The following ZNF366 variants were observed in gnomAD, a reference collection of about 807,000 sequenced individuals.
ZNF366 encodes zinc finger protein 366, also known as dendritic cell-specific transcript protein.
A neutral mutation model predicts 47.2 loss-of-function variants in ZNF366; 20 were observed. The observed-to-expected ratio is 0.42, with a 90% CI of 0.30 to 0.62. The LOEUF (loss-of-function observed/expected upper bound fraction) is 0.62. ZNF366 is among the 20% of genes least tolerant of loss of function. The probability of loss-of-function intolerance (pLI) is 0.16; values close to 1 mark genes in which losing one functional copy is unlikely to be tolerated. For synonymous variants in ZNF366, 421 were observed against 395.1 expected, an observed-to-expected ratio of 1.07 and a Z score of -0.78; for missense variants, 987 against 976.3, an observed-to-expected ratio of 1.01 and a Z score of -0.15.
At position 72,484,483 on chromosome 5, in the gene ZNF366, C is replaced by CAAA. The variant is rs770305478; in HGVS notation, c.-15+22765_-15+22767dup. Among the ~76,000 whole-genome samples the CAAA allele has an allele frequency of 1.4e-3, 183 of 129,928 alleles. 2 individuals are homozygous for CAAA. Among genetic ancestry groups the CAAA allele is most frequent in the Admixed American group, 3.9e-3 (51 of 12,932 alleles). 85.2% of individuals were successfully genotyped at this position (129,928 alleles called of 152,430 possible). On this transcript the variant is annotated intron_variant, in intron 1 of 4. Coordinates refer to ENST00000318442, the MANE Select transcript of ZNF366 (RefSeq NM_152625.3). ...TGGGCGACAGAGCGAGACTCCGTCT[C>CAAA]AAAAAAAAAAAAAATAATAATAATA... is the stretch of plus-strand genomic sequence containing the variant.
intron 1 of ZNF366, among the ~76,000 whole-genome samples, chr5:72,462,164 G>A (rs926172414): frequency 1.3e-5 from 2 of 152,208 alleles, no homozygotes; most frequent in African/African-American, 4.8e-5. Flanking sequence ...AGTAAGGTGT[G>A]CTACTAAGGC....
Position 72,447,292 on chromosome 5 carries a change from G to A in ZNF366, c.1650C>T (p.Arg550=). 1 of 1,614,206 alleles carries A rather than the reference G, an allele frequency of 6.2e-7. No homozygotes were observed. The highest frequency in any genetic ancestry group is 1.1e-5 in the South Asian group (1 of 91,084). The change falls in exon 4 of 5, where the codon CGC becomes CGT. Residue 550 remains arginine, a synonymous_variant. Coordinates refer to ENST00000318442, the MANE Select transcript of ZNF366 (RefSeq NM_152625.3). ...TGACTCCATGCTTGACTTTCATGTG[G>A]CGTGTCAGGTTCCCCTTCAGGGTGA... is the stretch of plus-strand genomic sequence containing the variant. ...SKFTLKGNLT[R]HMKVKHGVME... is the part of the protein sequence containing the mutation.
chr5:72,449,607 T>G lies in ZNF366; in HGVS notation c.1525-2190A>C, dbSNP rs543230683. On this transcript the variant is annotated intron_variant, in intron 3 of 4. Coordinates refer to ENST00000318442, the MANE Select transcript of ZNF366 (RefSeq NM_152625.3). ...TCACGGGTCATTTTTAGAAAAAGCT[T>G]ACCTCATTTGGATTGTGGGATGGTT... Among the ~76,000 whole-genome samples, 116 of 152,328 alleles carry G rather than the reference T, an allele frequency of 7.6e-4. No homozygotes were observed. In the South Asian group the frequency reaches 0.01, roughly 14 times the overall value.
intron 3 of ZNF366, among the ~76,000 whole-genome samples, chr5:72,449,451 G>A (rs772898163): frequency 3.3e-5 from 5 of 152,070 alleles, no homozygotes; most frequent in African/African-American, 4.8e-5. Context: ...TGGCCAGGCC[G>A]GTCCCAAACT....
intron 1 of ZNF366, among the ~76,000 whole-genome samples, chr5:72,483,923 A>G (rs1311987296): frequency 2.0e-5 from 3 of 152,078 alleles, no homozygotes; most frequent in African/African-American, 7.2e-5. Flanking sequence ...CTGAAGATCT[A>G]CTTAAAAAAA....
intron 2 of ZNF366, among the ~76,000 whole-genome samples, chr5:72,458,126 C>T (rs1410556836): frequency 6.7e-6 from 1 of 148,926 alleles, no homozygotes; most frequent in Non-Finnish European, 1.5e-5. Flanking sequence ...ACGCCATTCT[C>T]CTGCCTCAGC....
chr5:72,498,051 T>C (rs2112356162), intron 1 of ZNF366, among the ~76,000 whole-genome samples: 1 of 152,236 alleles, frequency 6.6e-6, no homozygotes, highest in African/African-American at 2.4e-5. Context: ...AGAAGCTTTT[T>C]ATTGTAATGC....
rs77584726 is a variant in ZNF366 at position 72,499,699 on chromosome 5, G to T, written c.-15+7552C>A. Among the ~76,000 whole-genome samples the T allele has an allele frequency of 4.3e-3, 650 of 152,128 alleles. 4 individuals carry two copies. Among genetic ancestry groups the T allele is most frequent in the East Asian group, 0.013 (65 of 5,182 alleles). On this transcript the variant is annotated intron_variant, in intron 1 of 4. Transcript: ENST00000318442. ...GAGGAGGAAATTCCACCGTGTCGTG[G>T]GAAAGAAAATGCCTGAACTAGAAAA...
intron 1 of ZNF366, among the ~76,000 whole-genome samples, chr5:72,476,822 G>A (rs533800764): frequency 3.3e-5 from 5 of 152,240 alleles, no homozygotes; most frequent in South Asian, 2.1e-4. Context: ...TTGGAGATAC[G>A]GCTACCACCA....
intron 1 of ZNF366, among the ~76,000 whole-genome samples, chr5:72,463,423 T>C (rs551302270): frequency 1.3e-5 from 2 of 152,332 alleles, no homozygotes; most frequent in African/African-American, 4.8e-5. Flanking sequence ...TGCTTTGTGT[T>C]TATGTGAGTG....
chr5:72,485,193 C>A (rs552226649), intron 1 of ZNF366, among the ~76,000 whole-genome samples: 1 of 152,340 alleles, frequency 6.6e-6, no homozygotes, highest in African/African-American at 2.4e-5. Flanking sequence ...TGACACTCAG[C>A]ACATGTTAGA....
chr5:72,444,865 A>T (rs781770892), intron 4 of ZNF366, among the ~76,000 whole-genome samples: 3 of 152,188 alleles, frequency 2.0e-5, no homozygotes, highest in Non-Finnish European at 4.4e-5. Context: ...ATTTGGAAGG[A>T]GGGATGTCAA....
At chr5:72,468,138 G>A (rs1743472008) in intron 1 of ZNF366, among the ~76,000 whole-genome samples, 1 of 152,192 alleles carries the variant, frequency 6.6e-6, no homozygotes, top group African/African-American at 2.4e-5. Flanking sequence ...GGCAAGTGAT[G>A]ACTCAGTCTG....
chr5:72,450,549 T>G (rs1162787148), intron 3 of ZNF366, among the ~76,000 whole-genome samples: 1 of 152,216 alleles, frequency 6.6e-6, no homozygotes, highest in African/African-American at 2.4e-5. Flanking sequence ...TGCAAAATTC[T>G]AAAAAGCAGC....
At chr5:72,490,357 A>G (rs538547534) in intron 1 of ZNF366, among the ~76,000 whole-genome samples, 1 of 152,318 alleles carries the variant, frequency 6.6e-6, no homozygotes, top group East Asian at 1.9e-4. Context: ...TCAATTTAGA[A>G]GGTAAATTTT....
intron 4 of ZNF366, 147 bp from the exon 5 acceptor site, chr5:72,444,438 G>A: frequency 2.1e-6 from 2 of 960,092 alleles, no homozygotes; most frequent in Non-Finnish European, 1.5e-6. Flanking sequence ...GGTCTTGGGA[G>A]GCTTGTAACA....
chr5:72,447,227 C>G lies in ZNF366; in HGVS notation c.1699+16G>C. 2 of 1,613,554 alleles carry G rather than the reference C, an allele frequency of 1.2e-6. No individual in the cohort carries two copies. Among genetic ancestry groups the G allele is most frequent in the Non-Finnish European group, 1.7e-6 (2 of 1,179,678 alleles). Reference sequence around the variant, plus strand: ...CCACTGGACTGACTTGCAGGGCTTCCCAGAAGAGTGATTACCTTGGGAATG... The same window carrying G: ...CCACTGGACTGACTTGCAGGGCTTCGCAGAAGAGTGATTACCTTGGGAATG... On this transcript the variant is annotated intron_variant, in intron 4 of 4. Transcript: ENST00000318442.
At position 72,505,533 on chromosome 5, in the gene ZNF366, T is replaced by C. The variant is rs577101139; in HGVS notation, c.-15+1718A>G. On this transcript the variant is annotated intron_variant, in intron 1 of 4. Coordinates refer to ENST00000318442, the MANE Select transcript of ZNF366 (RefSeq NM_152625.3). ...TTTCCTTGTCTTTAATTTAATTGCC[T>C]TCCTTGTCTTTAACAAATGACTCTG... Among the ~76,000 whole-genome samples the C allele has an allele frequency of 1.2e-3, 176 of 152,346 alleles. 1 individual carries two copies. Among genetic ancestry groups the C allele is most frequent in the Non-Finnish European group, 1.9e-3 (131 of 68,028 alleles).
In ZNF366 at chr5:72,440,259, C is replaced by T. The variant is rs752490175; in HGVS notation, c.*3497G>A. On this transcript the variant is annotated 3_prime_UTR_variant, in exon 5 of 5. Coordinates refer to ENST00000318442, the MANE Select transcript of ZNF366 (RefSeq NM_152625.3). The stretch of plus-strand genomic sequence containing the variant: ...ATGCAACTACTCATATACAAATATA[C>T]CAGTTACTCTTGTGGGTTTATGAAA... 5 of 152,142 alleles carry T rather than the reference C, an allele frequency of 3.3e-5. No homozygotes were observed. Among genetic ancestry groups the T allele is most frequent in the Non-Finnish European group, 7.4e-5 (5 of 68,026 alleles). 9.4% of individuals were successfully genotyped at this position (152,142 alleles called of 1,614,324 possible).
Sources: gnomAD v4.1 joint callset for allele counts (sites outside exome capture counted in the v4.1 genomes callset) on GRCh38, gnomAD v4.1.1 for gene constraint, MANE v1.5 for transcripts, NCBI Gene and HGNC (gene_info 2026-07-23, HGNC 2026-07-21) for gene names.